The following ARRB1 variants were observed in gnomAD, a reference collection of about 807,000 sequenced individuals.
ARRB1 encodes beta-arrestin-1.
A neutral mutation model predicts 56.8 loss-of-function variants in ARRB1; 21 were observed. The ratio of observed to expected loss-of-function variants is 0.37; its 90% confidence interval spans 0.26 to 0.53. The LOEUF (loss-of-function observed/expected upper bound fraction) is 0.53. ARRB1 is among the 20% of genes least tolerant of loss of function. The pLI is 0.88. For synonymous variants in ARRB1, 210 were observed against 218.6 expected, an observed-to-expected ratio of 0.96 and a Z score of 0.35; for missense variants, 424 against 553.7, an observed-to-expected ratio of 0.77 and a Z score of 2.35.
intron 2 of ARRB1, among the ~76,000 whole-genome samples, chr11:75,287,880 G>C (rs896951577): frequency 6.6e-6 from 1 of 151,850 alleles, no homozygotes; most frequent in Non-Finnish European, 1.5e-5. Context: ...TTTTTTTTTC[G>C]AGATGGAATT....
At chr11:75,288,668 T>G (rs1174797579) in intron 2 of ARRB1, among the ~76,000 whole-genome samples, 1 of 150,126 alleles carries the variant, frequency 6.7e-6, no homozygotes. Flanking sequence ...CAGGCTGGAG[T>G]GCAGTGGTGC....
At chr11:75,284,371 T>G in intron 3 of ARRB1, 92 bp from the exon 4 acceptor site, 1 of 1,290,072 alleles carries the variant, frequency 7.8e-7, no homozygotes, top group Non-Finnish European at 1.1e-6. Flanking sequence ...GATCCAACCA[T>G]CTGTTCATCT....
chr11:75,322,146 CG>C (rs1448724792), intron 1 of ARRB1, among the ~76,000 whole-genome samples: 1 of 152,200 alleles, frequency 6.6e-6, no homozygotes, highest in Non-Finnish European at 1.5e-5. Flanking sequence ...AAGTGACATC[CG>C]GGCTAAGAGT....
chr11:75,283,183 G>A, intron 5 of ARRB1, 104 bp downstream of exon 5: 1 of 1,216,522 alleles, frequency 8.2e-7, no homozygotes, highest in Non-Finnish European at 1.1e-6. Context: ...GGGAAACTGG[G>A]TGGCAGGGAG....
At chr11:75,283,764 G>A (rs1327211842) in intron 4 of ARRB1, among the ~76,000 whole-genome samples, 1 of 152,150 alleles carries the variant, frequency 6.6e-6, no homozygotes, top group Non-Finnish European at 1.5e-5. Flanking sequence ...TATGGAAACG[G>A]TCTGACAGGC....
intron 1 of ARRB1, among the ~76,000 whole-genome samples, chr11:75,313,630 C>A (rs746213896): frequency 1.2e-4 from 19 of 152,078 alleles, no homozygotes; most frequent in Non-Finnish European, 2.5e-4. Flanking sequence ...CAGGAAGGGC[C>A]CTGGCTGTGC....
chr11:75,323,712 G>A (rs1218864306), intron 1 of ARRB1, among the ~76,000 whole-genome samples: 1 of 152,170 alleles, frequency 6.6e-6, no homozygotes, highest in East Asian at 1.9e-4. Context: ...GGAAGGAAGC[G>A]GAAAGGTGTG....
chr11:75,303,494 C>T (rs1348841963), intron 1 of ARRB1: 1 of 444,726 alleles, frequency 2.2e-6, no homozygotes, highest in African/African-American at 2.0e-5. Flanking sequence ...CCTGACTCCT[C>T]TGCCCTTGCT....
chr11:75,332,650 A>T (rs997582349), intron 1 of ARRB1, among the ~76,000 whole-genome samples: 2 of 152,212 alleles, frequency 1.3e-5, no homozygotes, highest in African/African-American at 4.8e-5. Context: ...TAATCCCAGC[A>T]CTTTGGGAGG....
chr11:75,345,766 G>A (rs80159863), intron 1 of ARRB1, among the ~76,000 whole-genome samples: 1 of 152,294 alleles, frequency 6.6e-6, no homozygotes, highest in East Asian at 1.9e-4. Flanking sequence ...CTTGCCTAAT[G>A]TGGGAAATAT....
At position 75,309,961 on chromosome 11, in the gene ARRB1, C is replaced by T. The variant is rs149647590; in HGVS notation, c.21-19922G>A. ...CTTCCACTTGCTCCTCAAAACAGTT[C>T]CCTTTTATGGCTTCAGGAGGGGTAG... On this transcript the variant is annotated intron_variant, in intron 1 of 15. Transcript: ENST00000420843. Among the ~76,000 whole-genome samples, 153 of 152,234 alleles carry T rather than the reference C, an allele frequency of 1.0e-3. 1 individual carries two copies. The highest frequency in any genetic ancestry group is 3.5e-3 in the African/African-American group (147 of 41,544).
chr11:75,293,849 T>C (rs1946664008), intron 1 of ARRB1, among the ~76,000 whole-genome samples: 1 of 152,150 alleles, frequency 6.6e-6, no homozygotes, highest in Non-Finnish European at 1.5e-5. Context: ...AGTCTCACTC[T>C]CTCTGCACCT....
chr11:75,301,639 G>A (rs947767153), intron 1 of ARRB1, among the ~76,000 whole-genome samples: 3 of 152,174 alleles, frequency 2.0e-5, no homozygotes, highest in Admixed American at 1.3e-4. Flanking sequence ...TCACTCAGAC[G>A]CAGCCACCCT....
chr11:75,340,078 C>T (rs1355531523), intron 1 of ARRB1, among the ~76,000 whole-genome samples: 2 of 152,208 alleles, frequency 1.3e-5, no homozygotes, highest in East Asian at 1.9e-4. Flanking sequence ...CCGGCCACTT[C>T]GGGACATGCC....
intron 15 of ARRB1, among the ~76,000 whole-genome samples, chr11:75,267,387 G>A (rs1043399744): frequency 6.6e-6 from 1 of 152,196 alleles, no homozygotes; most frequent in African/African-American, 2.4e-5. Context: ...GCTGTGGATG[G>A]ACGAACGGAC....
chr11:75,299,300 G>A (rs1946838495), intron 1 of ARRB1, among the ~76,000 whole-genome samples: 1 of 151,378 alleles, frequency 6.6e-6, no homozygotes, highest in Non-Finnish European at 1.5e-5. Flanking sequence ...CCTAAATACT[G>A]ACAGGAGTTG....
At chr11:75,301,751 C>T (rs1273001749) in intron 1 of ARRB1, among the ~76,000 whole-genome samples, 3 of 152,292 alleles carry the variant, frequency 2.0e-5, no homozygotes, top group African/African-American at 4.8e-5. Flanking sequence ...AGGCCCTTAT[C>T]GCATTCTCCC....
intron 1 of ARRB1, among the ~76,000 whole-genome samples, chr11:75,305,506 T>C (rs1432379693): frequency 1.3e-5 from 2 of 152,214 alleles, no homozygotes; most frequent in Admixed American, 6.5e-5. Context: ...GACTTCACAC[T>C]GGTAGAGTGA....
At chr11:75,307,104 C>T (rs1382996254) in intron 1 of ARRB1, among the ~76,000 whole-genome samples, 1 of 152,182 alleles carries the variant, frequency 6.6e-6, no homozygotes, top group Admixed American at 6.5e-5. Flanking sequence ...CTGCAGAGGG[C>T]CTTCTTGCAG....
Sources: gnomAD v4.1 joint callset for allele counts (sites outside exome capture counted in the v4.1 genomes callset) on GRCh38, gnomAD v4.1.1 for gene constraint, MANE v1.5 for transcripts, NCBI Gene and HGNC (gene_info 2026-07-23, HGNC 2026-07-21) for gene names.